SNX13: variants seen among roughly 807,000 people sequenced by gnomAD.
SNX13 encodes sorting nexin 13, also known as sorting nexin-13.
A neutral mutation model predicts 133.6 loss-of-function variants in SNX13; 45 were observed. That is an observed-to-expected ratio of 0.34 (90% CI 0.27 to 0.43). SNX13 has a LOEUF of 0.43. Among genes scored for constraint, SNX13 ranks in the 20% least tolerant of loss-of-function variants. SNX13 has a pLI of 1.00. For synonymous variants in SNX13, 414 were observed against 373.9 expected, an observed-to-expected ratio of 1.11 and a Z score of -1.24; for missense variants, 1,032 against 1,145.1, an observed-to-expected ratio of 0.90 and a Z score of 1.43.
intron 9 of SNX13, among the ~76,000 whole-genome samples, chr7:17,864,993 T>C (rs1793207565): frequency 6.6e-6 from 1 of 152,144 alleles, no homozygotes; most frequent in South Asian, 2.1e-4. Context: ...ACCTAAAATA[T>C]ATCCTGCAAA....
rs1289363521 is a variant in SNX13, at chr7:17,807,823, C to G, written c.2065-4243G>C. Among the ~76,000 whole-genome samples, 3 of 125,248 alleles carry G rather than the reference C, an allele frequency of 2.4e-5. No individual in the cohort carries two copies. The East Asian group carries it at 7.4e-4, about 31-fold the overall frequency. 82.2% of individuals were successfully genotyped at this position (125,248 alleles called of 152,430 possible). ...CCTCTGCTGGTGATACTCGGGCAAA[C>G]AGGGTCTGGAGTGGGCCTCCAGCAA... On this transcript the variant is annotated intron_variant, in intron 20 of 25. Coordinates refer to ENST00000428135, the MANE Select transcript of SNX13 (RefSeq NM_015132.5).
At chr7:17,909,678 C>A (rs1798756756) in intron 1 of SNX13, among the ~76,000 whole-genome samples, 1 of 58,646 alleles carries the variant, frequency 1.7e-5, no homozygotes, top group Admixed American at 1.7e-4. Flanking sequence ...CATATGGACA[C>A]ACAGATGGGA....
intron 1 of SNX13, among the ~76,000 whole-genome samples, chr7:17,926,217 G>C (rs1800740981): frequency 6.6e-6 from 1 of 152,080 alleles, no homozygotes; most frequent in Admixed American, 6.6e-5. Context: ...TGTATAACGG[G>C]TGCTAGTGAC....
At chr7:17,794,527 G>A (rs945185170) in intron 25 of SNX13, 2 of 419,196 alleles carry the variant, frequency 4.8e-6, no homozygotes, top group Non-Finnish European at 4.2e-6. Context: ...AGGTGTAAGA[G>A]ATAAAAAATA....
At chr7:17,845,223 A>G (rs530416977) in intron 12 of SNX13, among the ~76,000 whole-genome samples, 68 of 152,270 alleles carry the variant, frequency 4.5e-4, no homozygotes, top group Non-Finnish European at 6.9e-4. Flanking sequence ...CACATATGCT[A>G]TAACACGGAT....
intron 9 of SNX13, among the ~76,000 whole-genome samples, chr7:17,858,956 T>G (rs1792278042): frequency 6.6e-6 from 1 of 152,052 alleles, no homozygotes; most frequent in Non-Finnish European, 1.5e-5. Context: ...CATAAAAATG[T>G]GAGATAAATC....
chr7:17,875,605 T>C (rs972797591), intron 6 of SNX13, 24 bp from the exon 7 acceptor site: 12 of 1,608,982 alleles, frequency 7.5e-6, no homozygotes, highest in African/African-American at 1.3e-5. Flanking sequence ...ATTCAAGATA[T>C]ATAAAATGAT....
chr7:17,810,905 CAT>C (rs1227961060), intron 20 of SNX13, among the ~76,000 whole-genome samples: 3 of 152,296 alleles, frequency 2.0e-5, no homozygotes, highest in South Asian at 2.1e-4. Context: ...ACAAAAACCA[CAT>C]GATTATCTCA....
intron 5 of SNX13, among the ~76,000 whole-genome samples, chr7:17,884,707 A>G (rs1795782640): frequency 6.6e-6 from 1 of 152,310 alleles, no homozygotes; most frequent in Non-Finnish European, 1.5e-5. Context: ...CAAACCATCT[A>G]TCTGTAGAAC....
chr7:17,818,981 C>T (rs765544008), intron 18 of SNX13, among the ~76,000 whole-genome samples: 44 of 152,288 alleles, frequency 2.9e-4, no homozygotes, highest in Middle Eastern at 3.4e-3. Context: ...GTAGCTATTA[C>T]ACTACAAGCT....
chr7:17,855,135 A>T (rs1292864750), intron 9 of SNX13, among the ~76,000 whole-genome samples: 1 of 152,222 alleles, frequency 6.6e-6, no homozygotes, highest in Non-Finnish European at 1.5e-5. Flanking sequence ...CTTTGTCCAA[A>T]GCCTATTCCA....
intron 20 of SNX13, among the ~76,000 whole-genome samples, chr7:17,811,398 T>C (rs577715429): frequency 2.4e-4 from 37 of 152,244 alleles, no homozygotes; most frequent in South Asian, 6.2e-4. Flanking sequence ...CCATTCACAA[T>C]TGCTACAAAG....
chr7:17,804,023 C>A (rs1784916359), intron 20 of SNX13, among the ~76,000 whole-genome samples: 1 of 151,960 alleles, frequency 6.6e-6, no homozygotes, highest in Non-Finnish European at 1.5e-5. Flanking sequence ...TGTCACTGCA[C>A]TCCATACATT....
At chr7:17,901,750 T>C (rs1797861943) in intron 1 of SNX13, among the ~76,000 whole-genome samples, 1 of 152,314 alleles carries the variant, frequency 6.6e-6, no homozygotes, top group South Asian at 2.1e-4. Context: ...CTTGCAGCAA[T>C]ATGAAGTTAA....
rs1417535429 is a variant in SNX13, at chr7:17,796,663, C to T, written c.2626+164G>A. 4 of 596,306 alleles carry T rather than the reference C, an allele frequency of 6.7e-6. No homozygotes were observed. In the African/African-American group the frequency reaches 7.5e-5, roughly 11 times the overall value. 36.9% of individuals were successfully genotyped at this position (596,306 alleles called of 1,614,324 possible). On this transcript the variant is annotated intron_variant, in intron 25 of 25. Coordinates refer to ENST00000428135, the MANE Select transcript of SNX13 (RefSeq NM_015132.5). Reference sequence around the variant, plus strand: ...TAGCTTTACAGTACTGTCATGAGGACTGATTAAGAACATATGAGAAATGCC... The same window carrying T: ...TAGCTTTACAGTACTGTCATGAGGATTGATTAAGAACATATGAGAAATGCC...
rs375427264 is a variant in SNX13, at chr7:17,794,115, C to T, written c.2804G>A (p.Arg935Gln). The T allele has an allele frequency of 5.0e-6, 8 of 1,611,446 alleles. No individual in the cohort carries two copies. The highest frequency in any genetic ancestry group is 2.2e-5 in the South Asian group (2 of 90,982). ...FRELFNKLHS[R>Q]SKQMQKYKQK... ...TTTATATTTCTGCATCTGCTTTGAC[C>T]GTGAATGCAGTTTGTTGAAAAGTTC... The change falls in exon 26 of 26, where the codon CGG becomes CAG. Residue 935 changes from arginine (R) to glutamine (Q), a missense_variant. Physicochemically the swap from Arg to Gln is conservative, Grantham distance 43. Coordinates refer to ENST00000428135, the MANE Select transcript of SNX13 (RefSeq NM_015132.5).
In SNX13 at chr7:17,799,002, G is replaced by GTGC. The variant is rs1784349135; in HGVS notation, c.2444+4_2444+6dup. The GTGC allele has an allele frequency of 1.2e-6, 2 of 1,606,676 alleles. No homozygotes were observed. The highest frequency in any genetic ancestry group is 2.7e-5 in the African/African-American group (2 of 74,624). ...TCAGATTAAAAGCGAGGAGGAAAGA[G>GTGC]TGCTACCTATTAATAGTATCGCCAT... On this transcript the variant is annotated splice_region_variant and intron_variant, in intron 23 of 25. Transcript: ENST00000428135.
At chr7:17,930,283 T>C (rs949807965) in intron 1 of SNX13, among the ~76,000 whole-genome samples, 2 of 152,190 alleles carry the variant, frequency 1.3e-5, no homozygotes, top group African/African-American at 4.8e-5. Flanking sequence ...GTTAGCAACC[T>C]TTCCAAGGTC....
intron 22 of SNX13, among the ~76,000 whole-genome samples, chr7:17,799,597 G>A (rs559430776): frequency 2.6e-5 from 4 of 151,696 alleles, no homozygotes; most frequent in African/African-American, 7.3e-5. Flanking sequence ...AATGTATTTT[G>A]CTTAGTTAGT....
Sources: gnomAD v4.1 joint callset for allele counts (sites outside exome capture counted in the v4.1 genomes callset) on GRCh38, gnomAD v4.1.1 for gene constraint, MANE v1.5 for transcripts, NCBI Gene and HGNC (gene_info 2026-07-23, HGNC 2026-07-21) for gene names.